Variants in CNOT6L observed in about 807,000 individuals in gnomAD.
CNOT6L encodes CCR4-NOT transcription complex subunit 6-like.
CNOT6L carries 7 observed loss-of-function variants against 64.0 expected under a neutral mutation model. The observed-to-expected ratio is 0.11, with a 90% CI of 0.06 to 0.21. The LOEUF (loss-of-function observed/expected upper bound fraction) is 0.21. CNOT6L is among the 10% of genes least tolerant of loss of function. CNOT6L has a pLI of 1.00. For synonymous variants in CNOT6L, 193 were observed against 243.4 expected (o/e 0.79, Z 1.93); for missense variants, 245 against 669.0 (o/e 0.37, Z 6.99).
At chr4:77,785,692 C>G (rs1303025996) in intron 1 of CNOT6L, among the ~76,000 whole-genome samples, 1 of 152,092 alleles carries the variant, frequency 6.6e-6, no homozygotes, top group Non-Finnish European at 1.5e-5. Flanking sequence ...CTAAAAACCA[C>G]AATGAGATAT....
At chr4:77,803,685 C>T (rs1731876603) in intron 1 of CNOT6L, among the ~76,000 whole-genome samples, 1 of 152,136 alleles carries the variant, frequency 6.6e-6, no homozygotes, top group African/African-American at 2.4e-5. Context: ...AGGTAGATAA[C>T]CTGAGAACGG....
intron 8 of CNOT6L, among the ~76,000 whole-genome samples, chr4:77,737,403 G>GTTTTTTT (rs1723076948): frequency 8.6e-6 from 1 of 116,048 alleles, no homozygotes; most frequent in African/African-American, 3.4e-5. Flanking sequence ...TATTTGTACC[G>GTTTTTTT]TTCTTTTTTT....
intron 1 of CNOT6L, among the ~76,000 whole-genome samples, chr4:77,813,157 T>A (rs1645978098): frequency 6.6e-6 from 1 of 152,182 alleles, no homozygotes; most frequent in Admixed American, 6.5e-5. Flanking sequence ...CAAAGAGATA[T>A]TAGACTTCTA....
chr4:77,777,662 T>C (rs939988254), intron 1 of CNOT6L, among the ~76,000 whole-genome samples: 2 of 152,208 alleles, frequency 1.3e-5, no homozygotes, highest in African/African-American at 4.8e-5. Flanking sequence ...ATTGGGTTCT[T>C]TGCTCATATA....
chr4:77,757,361 A>C (rs13101987), intron 4 of CNOT6L, among the ~76,000 whole-genome samples: 41,310 of 152,052 alleles, frequency 0.27, 6,471 homozygotes, highest in East Asian at 0.47. Context: ...TCTTCGTAGA[A>C]TATTTATATT....
chr4:77,761,336 G>C (rs1244143726), intron 4 of CNOT6L, among the ~76,000 whole-genome samples: 2 of 151,720 alleles, frequency 1.3e-5, no homozygotes, highest in African/African-American at 4.8e-5. Context: ...GGCTATAGGG[G>C]AAAAAAAGAA....
intron 6 of CNOT6L, among the ~76,000 whole-genome samples, chr4:77,745,761 G>A (rs769264979): frequency 1.3e-5 from 2 of 152,154 alleles, no homozygotes; most frequent in African/African-American, 4.8e-5. Context: ...CTAGCTATTC[G>A]TATTTTTAAA....
At chr4:77,761,490 C>T (rs916448461) in intron 4 of CNOT6L, among the ~76,000 whole-genome samples, 5 of 152,136 alleles carry the variant, frequency 3.3e-5, no homozygotes, top group East Asian at 1.9e-4. Flanking sequence ...GTAACAGAAA[C>T]GTTTTGAGTT....
At chr4:77,770,609 G>A (rs956645737) in intron 4 of CNOT6L, among the ~76,000 whole-genome samples, 1 of 37,068 alleles carries the variant, frequency 2.7e-5, no homozygotes, top group East Asian at 6.2e-4. Flanking sequence ...CTACATATAG[G>A]TACTTACAAC....
chr4:77,815,821 G>A (rs1042507176), intron 1 of CNOT6L, among the ~76,000 whole-genome samples: 11 of 152,190 alleles, frequency 7.2e-5, no homozygotes, highest in African/African-American at 2.7e-4. Context: ...AACAACATAA[G>A]AGGAAAGCCA....
chr4:77,733,186 C>T (rs1411838957), intron 8 of CNOT6L, among the ~76,000 whole-genome samples: 1 of 152,156 alleles, frequency 6.6e-6, no homozygotes, highest in Non-Finnish European at 1.5e-5. Flanking sequence ...AACAAGCAAC[C>T]TATTTTGATG....
At chr4:77,781,642 A>G (rs948357734) in intron 1 of CNOT6L, among the ~76,000 whole-genome samples, 5 of 152,222 alleles carry the variant, frequency 3.3e-5, no homozygotes, top group Admixed American at 3.3e-4. Context: ...TGAAAAAACA[A>G]GCTGGCCAAA....
intron 1 of CNOT6L, among the ~76,000 whole-genome samples, chr4:77,791,438 TA>T (rs1730139407): frequency 6.6e-6 from 1 of 151,882 alleles, no homozygotes; most frequent in Admixed American, 6.6e-5. Context: ...CAAAGATTAA[TA>T]AAATGAGAAA....
intron 5 of CNOT6L, among the ~76,000 whole-genome samples, chr4:77,755,254 T>C: frequency 1.9e-5 from 1 of 51,960 alleles, no homozygotes; most frequent in South Asian, 6.1e-4. Context: ...TTTTTTTTTT[T>C]TTTTGAGACG....
intron 1 of CNOT6L, among the ~76,000 whole-genome samples, chr4:77,808,988 G>T (rs1048666949): frequency 6.6e-6 from 1 of 152,138 alleles, no homozygotes; most frequent in African/African-American, 2.4e-5. Context: ...AATAGTGTAC[G>T]TGTATTGTTT....
At chr4:77,749,465 A>G (rs1267035764) in intron 5 of CNOT6L, among the ~76,000 whole-genome samples, 1 of 152,184 alleles carries the variant, frequency 6.6e-6, no homozygotes. Context: ...ATTTCTAGCT[A>G]TTGGGATCCT....
rs12512629 is a variant in CNOT6L, at chr4:77,791,905, A to G, written c.6-15513T>C. On this transcript the variant is annotated intron_variant, in intron 1 of 11. Transcript: ENST00000504123. ...TTCCTCCCAGAGAATATATATGTAC[A>G]TATATATATACTTGAAGCATAAATA... is the stretch of plus-strand genomic sequence containing the variant. Among the ~76,000 whole-genome samples, 1,389 of 152,080 alleles carry G rather than the reference A, an allele frequency of 9.1e-3. 26 individuals carry two copies. Among genetic ancestry groups the G allele is most frequent in the Admixed American group, 0.043 (658 of 15,268 alleles).
intron 1 of CNOT6L, among the ~76,000 whole-genome samples, chr4:77,780,936 T>G (rs929615458): frequency 9.2e-5 from 14 of 152,090 alleles, no homozygotes; most frequent in Admixed American, 9.2e-4. Context: ...GAATAGCCAC[T>G]GCACTCTAGC....
chr4:77,726,988 G>A (rs1428279265), intron 10 of CNOT6L, among the ~76,000 whole-genome samples: 2 of 152,136 alleles, frequency 1.3e-5, no homozygotes, highest in Non-Finnish European at 1.5e-5. Context: ...ATAGCATTCA[G>A]AAAAGTGCAC....
Sources: gnomAD v4.1 joint callset for allele counts (sites outside exome capture counted in the v4.1 genomes callset) on GRCh38, gnomAD v4.1.1 for gene constraint, MANE v1.5 for transcripts, NCBI Gene and HGNC (gene_info 2026-07-23, HGNC 2026-07-21) for gene names.